LNPEP: variants seen among roughly 807,000 people sequenced by gnomAD.
The protein encoded by LNPEP is leucyl-cystinyl aminopeptidase.
LNPEP carries 64 observed loss-of-function variants against 120.6 expected under a neutral mutation model. The ratio of observed to expected loss-of-function variants is 0.53; its 90% CI spans 0.43 to 0.65. The LOEUF (loss-of-function observed/expected upper bound fraction) is 0.65. LNPEP is among the 30% of genes least tolerant of loss of function. LNPEP has a pLI of 0.00. For missense variants in LNPEP, 1,057 were observed against 1,200.0 expected (o/e 0.88, Z 1.76); for synonymous variants, 435 against 425.4 (o/e 1.02, Z -0.28).
intron 8 of LNPEP, among the ~76,000 whole-genome samples, chr5:96,999,694 G>T (rs972158553): frequency 3.9e-5 from 6 of 152,084 alleles, no homozygotes; most frequent in African/African-American, 1.4e-4. Context: ...GTCTGCCACT[G>T]ACCCAAACCC....
intron 2 of LNPEP, among the ~76,000 whole-genome samples, chr5:96,983,983 A>G (rs1790184181): frequency 6.6e-6 from 1 of 152,138 alleles, no homozygotes; most frequent in Non-Finnish European, 1.5e-5. Flanking sequence ...ATAATCTTCC[A>G]TCAGAAACCT....
At chr5:97,026,787 A>G in intron 16 of LNPEP, 30 bp downstream of exon 16, 1 of 1,584,356 alleles carries the variant, frequency 6.3e-7, no homozygotes, top group Non-Finnish European at 8.6e-7. Context: ...ATTAACTTTT[A>G]GTATTCTCAA....
intron 8 of LNPEP, 56 bp downstream of exon 8, chr5:96,998,201 G>A (rs990240513): frequency 1.2e-5 from 15 of 1,291,198 alleles, no homozygotes; most frequent in South Asian, 1.3e-5. Flanking sequence ...GTATAATTTC[G>A]TATGTGAGCA....
chr5:96,955,830 A>C (rs1257276775), intron 1 of LNPEP, among the ~76,000 whole-genome samples: 1 of 152,222 alleles, frequency 6.6e-6, no homozygotes, highest in Non-Finnish European at 1.5e-5. Flanking sequence ...TGGCTGGGTC[A>C]TCTGGTACTG....
chr5:96,972,155 A>T (rs1789881263), intron 1 of LNPEP, among the ~76,000 whole-genome samples: 1 of 152,032 alleles, frequency 6.6e-6, no homozygotes, highest in African/African-American at 2.4e-5. Context: ...CACCTTGTGT[A>T]GGCTTATTTT....
At chr5:96,969,959 T>C (rs927069527) in intron 1 of LNPEP, among the ~76,000 whole-genome samples, 3 of 151,844 alleles carry the variant, frequency 2.0e-5, no homozygotes, top group Non-Finnish European at 4.4e-5. Context: ...TTACTTAAAG[T>C]CTTTTGTTTT....
At chr5:96,998,634 G>T (rs184257521) in intron 8 of LNPEP, among the ~76,000 whole-genome samples, 1 of 152,284 alleles carries the variant, frequency 6.6e-6, no homozygotes, top group East Asian at 1.9e-4. Flanking sequence ...GATCACCATA[G>T]GTCGGAGAAT....
intron 6 of LNPEP, 78 bp downstream of exon 6, chr5:96,994,049 C>T: frequency 1.7e-6 from 2 of 1,150,904 alleles, no homozygotes; most frequent in Non-Finnish European, 2.4e-6. Context: ...CATTTAGATG[C>T]TAATAATTCT....
intron 13 of LNPEP, among the ~76,000 whole-genome samples, chr5:97,017,799 T>C (rs1209587401): frequency 1.3e-5 from 2 of 152,182 alleles, no homozygotes; most frequent in African/African-American, 4.8e-5. Context: ...ATTTATTCTC[T>C]CATAGTTCTG....
chr5:96,962,313 G>A (rs776833881), intron 1 of LNPEP, among the ~76,000 whole-genome samples: 7 of 152,164 alleles, frequency 4.6e-5, no homozygotes, highest in Non-Finnish European at 1.0e-4. Flanking sequence ...ACTTGGCTCT[G>A]CTACTTAATA....
chr5:96,976,056 T>G (rs1306305262), intron 1 of LNPEP, among the ~76,000 whole-genome samples: 1 of 152,102 alleles, frequency 6.6e-6, no homozygotes, highest in Admixed American at 6.6e-5. Context: ...TAGGAATAAA[T>G]CCCATCGAGC....
chr5:96,967,778 A>G (rs1219838769), intron 1 of LNPEP, among the ~76,000 whole-genome samples: 2 of 152,108 alleles, frequency 1.3e-5, no homozygotes, highest in Admixed American at 1.3e-4. Context: ...TTTATACTTC[A>G]TTTTAATATA....
In LNPEP at chr5:97,028,937, T is replaced by C. The variant is rs1246203066; in HGVS notation, c.*404T>C. The C allele has an allele frequency of 2.3e-5, 4 of 174,808 alleles. No homozygotes were observed. The highest frequency in any genetic ancestry group is 9.6e-5 in the African/African-American group (4 of 41,646). The allele number at this position is 174,808 out of a possible 1,614,324, so 10.8% of individuals were successfully genotyped here. A position where few individuals can be genotyped will look rare whatever the true frequency, so the allele number is the denominator to read the frequency against. On this transcript the variant is annotated 3_prime_UTR_variant, in exon 18 of 18. Transcript: ENST00000231368. ...CTTCAGGCCGCTGGTTTGTCAGCCATCTGTTGCTTCTTATTGATAGATGGC... is the reference window on the plus strand; with the variant it reads ...CTTCAGGCCGCTGGTTTGTCAGCCACCTGTTGCTTCTTATTGATAGATGGC...
At chr5:97,000,906 G>A (rs1381963332) in intron 8 of LNPEP, among the ~76,000 whole-genome samples, 4 of 152,118 alleles carry the variant, frequency 2.6e-5, no homozygotes, top group African/African-American at 9.7e-5. Flanking sequence ...TGAGATAAAA[G>A]GTTGCTTTGC....
chr5:96,986,586 TGA>T lies in LNPEP; in HGVS notation c.1051_1052del (p.Ser351CysfsTer51). The T allele has an allele frequency of 6.2e-7, 1 of 1,613,654 alleles. No homozygotes were observed. The highest frequency in any genetic ancestry group is 8.5e-7 in the Non-Finnish European group (1 of 1,179,648). ...DDGLVQDEFS[E>X]SVKMSTYLVA... Reference sequence around the variant, plus strand: ...ATGGACTTGTTCAGGATGAGTTTTCTGAGAGTGTGAAGATGAGCACTTACTTG... The same window carrying T: ...ATGGACTTGTTCAGGATGAGTTTTCTGAGTGTGAAGATGAGCACTTACTTG... On this transcript the variant is annotated frameshift_variant, in exon 4 of 18. Transcript: ENST00000231368. LOFTEE classifies it high-confidence loss of function.
rs1023609020 is a variant in LNPEP at position 97,033,826 on chromosome 5, C to A, written c.*5293C>A. 1 of 151,968 alleles carries A rather than the reference C, an allele frequency of 6.6e-6. No individual in the cohort carries two copies. The highest frequency in any genetic ancestry group is 1.5e-5 in the Non-Finnish European group (1 of 68,018). 9.4% of individuals were successfully genotyped at this position (151,968 alleles called of 1,614,324 possible). ...GTTTCATTGGGTACCCGGTCCTTCA[C>A]TTGGATGTGTAGGTTCCTAATGAGC... On this transcript the variant is annotated 3_prime_UTR_variant, in exon 18 of 18. Transcript: ENST00000231368.
intron 1 of LNPEP, among the ~76,000 whole-genome samples, chr5:96,954,752 A>G (rs1789411959): frequency 3.4e-4 from 12 of 35,292 alleles, no homozygotes; most frequent in Admixed American, 3.1e-3. Flanking sequence ...ATATACACAT[A>G]TATATATATA....
intron 8 of LNPEP, among the ~76,000 whole-genome samples, chr5:97,001,518 G>GGGGGAAGAAGTCTGATTA (rs1435255393): frequency 1.1e-4 from 16 of 152,178 alleles, no homozygotes; most frequent in Non-Finnish European, 1.8e-4. Flanking sequence ...TGAAATTCAA[G>GGGGGAAGAAGTCTGATTA]GGGGAAGAAG....
At chr5:96,942,118 T>A (rs138982230) in intron 1 of LNPEP, among the ~76,000 whole-genome samples, 3 of 152,246 alleles carry the variant, frequency 2.0e-5, no homozygotes, top group African/African-American at 7.2e-5. Flanking sequence ...TTGCCAGAAA[T>A]TTAAGCATAC....
Sources: allele counts gnomAD v4.1 joint callset (sites outside exome capture counted in the v4.1 genomes callset), GRCh38; gene constraint gnomAD v4.1.1; transcripts MANE v1.5; gene names NCBI Gene and HGNC (gene_info 2026-07-23, HGNC 2026-07-21).